Variants in VPS13C observed in about 807,000 individuals in gnomAD.
VPS13C encodes intermembrane lipid transfer protein VPS13C.
VPS13C carries 358 observed loss-of-function variants against 456.8 expected under a neutral mutation model. The ratio of observed to expected loss-of-function variants is 0.78; its 90% confidence interval spans 0.72 to 0.86. The LOEUF (loss-of-function observed/expected upper bound fraction) is 0.86, where lower values mean the gene tolerates loss of function less well. Ranked by LOEUF, VPS13C falls within the 40% of genes least tolerant of loss-of-function variation. The pLI is 0.00. For synonymous variants in VPS13C, 1,578 were observed against 1,486.7 expected, an observed-to-expected ratio of 1.06 and a Z score of -1.41; for missense variants, 4,818 against 4,385.4, an observed-to-expected ratio of 1.10 and a Z score of -2.79.
chr15:61,938,416 T>C (rs1205103315), intron 47 of VPS13C, among the ~76,000 whole-genome samples: 6 of 152,060 alleles, frequency 3.9e-5, no homozygotes, highest in African/African-American at 1.4e-4. Flanking sequence ...GGGAAACAAC[T>C]TGCCAGTGTC....
In VPS13C at chr15:62,023,787, A is replaced by G. The variant is rs776116967; in HGVS notation, c.507T>C (p.Arg169=). Residue 169 remains arginine (R), a synonymous_variant, in exon 7 of 85, where the codon CGT becomes CGC. Transcript: ENST00000644861. ...HFKKPFKGLD[R]SKDKPKEAKK... ...AAAACTACTTTTACCTACCTTTTGA[A>G]CGATCAAGACCTTTAAAAGGTTTCT... is the stretch of plus-strand genomic sequence containing the variant. The G allele has an allele frequency of 5.6e-6, 9 of 1,609,992 alleles. No individual in the cohort carries two copies. The highest frequency in any genetic ancestry group is 6.8e-6 in the Non-Finnish European group (8 of 1,177,764).
At position 61,969,388 on chromosome 15, in the gene VPS13C, T is replaced by C. The variant is rs775278663; in HGVS notation, c.2822A>G (p.Gln941Arg). Residue 941 changes from glutamine to arginine, a missense_variant, in exon 28 of 85, where the codon CAG (glutamine) becomes CGG (arginine). Transcript: ENST00000644861. The stretch of plus-strand genomic sequence containing the variant: ...TCTCATTGTGGCCTCTGTTCCTAAC[T>C]GAGTAACATTAAATACTAGAATTGT... The part of the protein sequence containing the change: ...EDTILVFNVT[Q>R]LGTEATMRTF... 17 of 1,594,604 alleles carry C rather than the reference T, an allele frequency of 1.1e-5. No individual in the cohort carries two copies. The highest frequency in any genetic ancestry group is 1.7e-6 in the Non-Finnish European group (2 of 1,169,866).
At chr15:61,948,408 G>T (rs747698485) in intron 42 of VPS13C, among the ~76,000 whole-genome samples, 1 of 152,074 alleles carries the variant, frequency 6.6e-6, no homozygotes, top group Admixed American at 6.5e-5. Flanking sequence ...CCGGCCGGGC[G>T]TGGTGGCTCA....
chr15:61,899,485 T>C (rs941864936), intron 66 of VPS13C, among the ~76,000 whole-genome samples: 1 of 152,048 alleles, frequency 6.6e-6, no homozygotes, highest in African/African-American at 2.4e-5. Context: ...TATAAACACC[T>C]CTATGCAAAT....
In VPS13C at chr15:61,884,181, T is replaced by C. The variant is rs1363624221; in HGVS notation, c.9430A>G (p.Lys3144Glu). 2 of 1,610,326 alleles carry C rather than the reference T, an allele frequency of 1.2e-6. No individual in the cohort carries two copies. Among genetic ancestry groups the C allele is most frequent in the Admixed American group, 3.4e-5 (2 of 59,466 alleles). ...CCATGGTCTCTTGATATTTGATGTTTCTGATAGGATTGTTCCAATAAGATT... is the reference window on the plus strand; with the variant it reads ...CCATGGTCTCTTGATATTTGATGTTCCTGATAGGATTGTTCCAATAAGATT... Reference protein sequence around the residue: ...QIILLEQSYQKHQISRDHGWI... With the variant: ...QIILLEQSYQEHQISRDHGWI... The change falls in exon 68 of 85, where the codon AAA (lysine) becomes GAA (glutamate). Residue 3144 changes from lysine (K) to glutamate (E), a missense_variant. Lys to Glu is a moderately conservative substitution (Grantham distance 56). This residue lies in a region of VPS13C where 4,552 missense variants were observed against 4,130.6 expected (regional missense o/e 1.10). Transcript: ENST00000644861.
chr15:61,881,292 C>T (rs1176420107), intron 71 of VPS13C, among the ~76,000 whole-genome samples: 1 of 152,038 alleles, frequency 6.6e-6, no homozygotes, highest in Non-Finnish European at 1.5e-5. Flanking sequence ...CTCACAAATA[C>T]ATATCATTTA....
Position 62,035,020 on chromosome 15 carries a change from G to A in VPS13C, c.220C>T (p.Leu74Phe). The change falls in exon 4 of 85, where the codon CTT (leucine) becomes TTT (phenylalanine). Residue 74 changes from leucine (L) to phenylalanine (F), a missense_variant. By Grantham distance (22) the Leu-to-Phe change is conservative. Transcript: ENST00000644861. ...KLTLKIPWKN[L>F]YGEAVVATLE... ...GTCGCAACAACTGCTTCTCCATAAA[G>A]GTTCTTCCAAGGAATCTTCAAAGTT... 1.2e-6 allele frequency: 2 copies of A among 1,607,086 alleles called. No homozygotes were observed. Among genetic ancestry groups the A allele is most frequent in the Non-Finnish European group, 1.7e-6 (2 of 1,175,964 alleles).
chr15:61,929,807 G>C, intron 50 of VPS13C, 59 bp from the exon 51 acceptor site: 1 of 1,468,974 alleles, frequency 6.8e-7, no homozygotes, highest in Non-Finnish European at 9.2e-7. Context: ...AAAAGATGAA[G>C]AATTTCCTAT....
intron 59 of VPS13C, 30 bp from the exon 60 acceptor site, chr15:61,917,665 G>A (rs781751360): frequency 6.3e-7 from 1 of 1,591,528 alleles, no homozygotes; most frequent in East Asian, 2.2e-5. Flanking sequence ...TGACAATAAA[G>A]TTTTGATCCA....
chr15:62,015,524 C>T (rs2140529725), intron 9 of VPS13C, among the ~76,000 whole-genome samples: 1 of 150,210 alleles, frequency 6.7e-6, no homozygotes, highest in South Asian at 2.1e-4. Context: ...TTGGAACCAA[C>T]CCAAATGTCC....
rs1242921733 is a variant in VPS13C, at chr15:62,019,997, GAC to G, written c.684+480_684+481del. Among the ~76,000 whole-genome samples, 31 of 150,256 alleles carry G rather than the reference GAC, an allele frequency of 2.1e-4. 1 individual carries two copies. The South Asian group carries it at 6.5e-3, about 32-fold the overall frequency. The stretch of plus-strand genomic sequence containing the variant: ...ATATGTATGTGTGTATATATATACA[GAC>G]ACACACTGTCTACTGTTAAAGACCA... On this transcript the variant is annotated intron_variant, in intron 9 of 84. Transcript: ENST00000644861.
At chr15:61,967,468 A>G (rs781284503) in intron 28 of VPS13C, 21 bp from the exon 29 acceptor site, 16 of 1,548,872 alleles carry the variant, frequency 1.0e-5, no homozygotes, top group African/African-American at 7.0e-5. Context: ...GAAAAAGGAA[A>G]AAAAAGTGTT....
In VPS13C at chr15:62,060,436, G is replaced by T. The variant is rs1006916982; in HGVS notation, c.-62C>A. ...ACCGCCCGGCGCAGCTGAGGGCTGC[G>T]ACCAGCGCTGCAAATGACAGCCCCT... On this transcript the variant is annotated 5_prime_UTR_variant, in exon 1 of 85. Coordinates refer to ENST00000644861, the MANE Select transcript of VPS13C (RefSeq NM_020821.3). 1 of 845,380 alleles carries T rather than the reference G, an allele frequency of 1.2e-6. No homozygotes were observed. Among genetic ancestry groups the T allele is most frequent in the South Asian group, 1.5e-5 (1 of 67,118 alleles). 52.4% of individuals were successfully genotyped at this position (845,380 alleles called of 1,614,324 possible).
intron 73 of VPS13C, among the ~76,000 whole-genome samples, chr15:61,880,079 C>T (rs755091977): frequency 6.6e-6 from 1 of 151,902 alleles, no homozygotes; most frequent in Non-Finnish European, 1.5e-5. Flanking sequence ...GTCACCTTCT[C>T]CTATAAAAGC....
At chr15:62,051,902 G>T (rs1265495340) in intron 1 of VPS13C, among the ~76,000 whole-genome samples, 1 of 152,146 alleles carries the variant, frequency 6.6e-6, no homozygotes, top group Non-Finnish European at 1.5e-5. Flanking sequence ...AAATTCACAA[G>T]TTATGATTTA....
chr15:62,012,022 A>T, intron 12 of VPS13C, 85 bp downstream of exon 12: 1 of 830,092 alleles, frequency 1.2e-6, no homozygotes, highest in Non-Finnish European at 1.9e-6. Flanking sequence ...TGACTAAGTA[A>T]GTTTATCAGA....
intron 74 of VPS13C, among the ~76,000 whole-genome samples, chr15:61,877,707 T>C (rs889429801): frequency 8.6e-5 from 13 of 151,896 alleles, no homozygotes; most frequent in Non-Finnish European, 7.4e-5. Flanking sequence ...ATTTAAAAAG[T>C]ACCTATTTCT....
intron 51 of VPS13C, 105 bp from the exon 52 acceptor site, chr15:61,927,425 C>T: frequency 4.9e-6 from 4 of 822,354 alleles, no homozygotes; most frequent in South Asian, 1.7e-5. Flanking sequence ...TTTTCTATAA[C>T]AGATATGGTG....
At chr15:61,920,011 A>G in intron 57 of VPS13C, 56 bp downstream of exon 57, 2 of 1,392,908 alleles carry the variant, frequency 1.4e-6, no homozygotes, top group Non-Finnish European at 1.9e-6. Context: ...TTTATCAAAA[A>G]TAAGCCCACA....
Sources: allele counts gnomAD v4.1 joint callset (sites outside exome capture counted in the v4.1 genomes callset), GRCh38; gene constraint gnomAD v4.1.1; regional missense constraint gnomAD v4.1.1; transcripts MANE v1.5; gene names NCBI Gene and HGNC (gene_info 2026-07-23, HGNC 2026-07-21).